LPAR1: variants seen among roughly 807,000 people sequenced by gnomAD.
The protein encoded by LPAR1 is lysophosphatidic acid receptor 1.
In LPAR1, 5 loss-of-function variants were observed where a neutral mutation model predicts 23.8. The observed-to-expected ratio is 0.21, with a 90% CI of 0.11 to 0.44. The LOEUF (loss-of-function observed/expected upper bound fraction) is 0.44, where lower values mean the gene tolerates loss of function less well. Ranked by LOEUF, LPAR1 falls within the 20% of genes least tolerant of loss-of-function variation. The pLI is 0.99. For synonymous variants in LPAR1, 160 were observed against 164.7 expected (o/e 0.97, Z 0.22); for missense variants, 311 against 482.8 (o/e 0.64, Z 3.33).
chr9:111,029,919 GT>G (rs966169337), intron 2 of LPAR1, among the ~76,000 whole-genome samples: 29 of 151,956 alleles, frequency 1.9e-4, no homozygotes, highest in African/African-American at 7.0e-4. Context: ...GCCAGGCATG[GT>G]GGTGCACGCC....
chr9:110,915,918 TAA>T (rs1257936184), intron 5 of LPAR1, among the ~76,000 whole-genome samples: 2 of 152,176 alleles, frequency 1.3e-5, no homozygotes, highest in African/African-American at 4.8e-5. Flanking sequence ...TCTGTCAATA[TAA>T]GTTATCAAAT....
intron 2 of LPAR1, among the ~76,000 whole-genome samples, chr9:110,998,781 G>T (rs1333989762): frequency 6.6e-6 from 1 of 152,176 alleles, no homozygotes; most frequent in South Asian, 2.1e-4. Context: ...CAATAGGTCT[G>T]AGGATTCTTA....
chr9:111,007,700 A>T (rs573894041), intron 2 of LPAR1, among the ~76,000 whole-genome samples: 1 of 152,258 alleles, frequency 6.6e-6, no homozygotes, highest in South Asian at 2.1e-4. Flanking sequence ...TCCCTGAAGG[A>T]TGATTTTGGC....
At chr9:111,024,464 A>T (rs2097644239) in intron 2 of LPAR1, among the ~76,000 whole-genome samples, 1 of 147,354 alleles carries the variant, frequency 6.8e-6, no homozygotes, top group Non-Finnish European at 1.5e-5. Flanking sequence ...ATATATACAT[A>T]ATTATATATA....
chr9:110,994,091 A>G (rs538747824), intron 2 of LPAR1, among the ~76,000 whole-genome samples: 1 of 152,326 alleles, frequency 6.6e-6, no homozygotes. Flanking sequence ...AGTGATCAAA[A>G]TAACATCACC....
intron 4 of LPAR1, among the ~76,000 whole-genome samples, chr9:110,969,888 G>A (rs1053772733): frequency 6.6e-6 from 1 of 152,088 alleles, no homozygotes; most frequent in Non-Finnish European, 1.5e-5. Context: ...TTGGGCTCAT[G>A]TGTGAGTGGT....
intron 5 of LPAR1, among the ~76,000 whole-genome samples, chr9:110,879,494 G>A (rs2080126876): frequency 6.7e-6 from 1 of 149,322 alleles, no homozygotes; most frequent in South Asian, 2.1e-4. Flanking sequence ...AGTAGCAGAA[G>A]ATAAGATGTC....
intron 4 of LPAR1, among the ~76,000 whole-genome samples, chr9:110,966,045 T>C (rs1434306081): frequency 2.0e-5 from 3 of 152,076 alleles, no homozygotes; most frequent in Admixed American, 2.0e-4. Flanking sequence ...AAGTACCACA[T>C]ATTCTCACTC....
At chr9:111,037,656 C>A (rs1013340995) in intron 1 of LPAR1, among the ~76,000 whole-genome samples, 4 of 152,188 alleles carry the variant, frequency 2.6e-5, no homozygotes, top group Non-Finnish European at 5.9e-5. Flanking sequence ...ACAACCGAGT[C>A]GTCAGTGGGA....
intron 5 of LPAR1, among the ~76,000 whole-genome samples, chr9:110,911,036 T>G (rs2092364890): frequency 6.6e-6 from 1 of 152,228 alleles, no homozygotes; most frequent in Non-Finnish European, 1.5e-5. Context: ...GAGGATTGAC[T>G]CAGATTTTGA....
chr9:110,908,433 T>C (rs2091785714), intron 5 of LPAR1, among the ~76,000 whole-genome samples: 1 of 151,858 alleles, frequency 6.6e-6, no homozygotes, highest in Non-Finnish European at 1.5e-5. Flanking sequence ...CATCATAAAG[T>C]ATTAAAACAG....
At chr9:110,918,909 C>A (rs2093408463) in intron 5 of LPAR1, among the ~76,000 whole-genome samples, 1 of 151,606 alleles carries the variant, frequency 6.6e-6, no homozygotes, top group South Asian at 2.1e-4. Context: ...CATCTGTACT[C>A]AAAATGGTAC....
intron 5 of LPAR1, among the ~76,000 whole-genome samples, chr9:110,902,288 C>T (rs1481983344): frequency 2.0e-5 from 3 of 152,124 alleles, no homozygotes; most frequent in Admixed American, 6.5e-5. Flanking sequence ...TGTGTCCCCA[C>T]CCAAATCTCA....
Position 110,939,079 on chromosome 9 carries a change from C to T in LPAR1, c.793+2342G>A, listed in dbSNP as rs941477055. Among the ~76,000 whole-genome samples the T allele has an allele frequency of 2.6e-5, 4 of 152,152 alleles. No homozygotes were observed. In the East Asian group the frequency reaches 5.8e-4, roughly 22 times the overall value. On this transcript the variant is annotated intron_variant, in intron 5 of 5. Coordinates refer to ENST00000683809, the MANE Select transcript of LPAR1 (RefSeq NM_001351411.2). ...GGGCAGAGCCAAGAACTCCCCCAGG[C>T]TGAGCCCCAATTTTGGGGTTTGCCT...
At chr9:111,038,807 CACCCGCAGCGGGAG>C, upstream of LPAR1, 1 of 331,722 alleles carries the variant, frequency 3.0e-6, no homozygotes, top group South Asian at 2.1e-5. The surrounding 1 kb of genome is among the most constrained non-coding windows in gnomAD (Gnocchi z 4.4). Flanking sequence ...CGAGTCGACA[CACCCGCAGCGGGAG>C]ACCCGTGGCC....
chr9:110,876,858 A>G (rs2079225082), intron 5 of LPAR1, among the ~76,000 whole-genome samples: 2 of 152,178 alleles, frequency 1.3e-5, no homozygotes, highest in African/African-American at 4.8e-5. Context: ...GGATCCCAGG[A>G]AAATGGAGGT....
intron 2 of LPAR1, among the ~76,000 whole-genome samples, chr9:111,024,992 T>C (rs567059448): frequency 2.0e-5 from 3 of 152,334 alleles, no homozygotes; most frequent in Non-Finnish European, 2.9e-5. Context: ...CTATTGTAAA[T>C]AGTGCTGCAA....
rs1564448123 is a variant in LPAR1, at chr9:110,913,528, CA to C, written c.793+27892del. ...ATATATATATGTATATGTACACACA[CA>C]TGTGTATCAAGTTCATTTTAATAAG... On this transcript the variant is annotated intron_variant, in intron 5 of 5. Coordinates refer to ENST00000683809, the MANE Select transcript of LPAR1 (RefSeq NM_001351411.2). Among the ~76,000 whole-genome samples the C allele has an allele frequency of 2.0e-5, 3 of 151,132 alleles. No homozygotes were observed. The East Asian group carries it at 5.8e-4, about 29-fold the overall frequency.
intron 5 of LPAR1, among the ~76,000 whole-genome samples, chr9:110,906,822 T>C (rs1299927941): frequency 6.6e-6 from 1 of 152,152 alleles, no homozygotes; most frequent in Non-Finnish European, 1.5e-5. Flanking sequence ...AACTATATAT[T>C]TACTTGTAAA....
Sources: gnomAD v4.1 joint callset for allele counts (sites outside exome capture counted in the v4.1 genomes callset) on GRCh38, gnomAD v4.1.1 for gene constraint, Gnocchi (gnomAD v3.1) non-coding constraint, MANE v1.5 for transcripts, NCBI Gene and HGNC (gene_info 2026-07-23, HGNC 2026-07-21) for gene names.